Variants in DAO observed in about 807,000 individuals in gnomAD.
DAO encodes D-amino-acid oxidase.
Under a neutral mutation model 50.1 loss-of-function variants are expected in DAO, and 51 were observed. The observed-to-expected ratio is 1.02, with a 90% CI of 0.81 to 1.29. The LOEUF (loss-of-function observed/expected upper bound fraction) is 1.29. DAO is among the 50% of genes most tolerant of loss of function. DAO has a pLI of 0.00. For missense variants in DAO, 436 were observed against 439.4 expected (o/e 0.99, Z 0.07); for synonymous variants, 160 against 166.2 (o/e 0.96, Z 0.29).
chr12:108,890,355 G>C (rs1041976326), intron 5 of DAO, 82 bp downstream of exon 5: 3 of 1,065,884 alleles, frequency 2.8e-6, no homozygotes, highest in Non-Finnish European at 4.4e-6. Context: ...GCTTCCCTCA[G>C]CATGGACTAA....
At chr12:108,881,243 C>A (rs374473456) in intron 1 of DAO, among the ~76,000 whole-genome samples, 4 of 142,650 alleles carry the variant, frequency 2.8e-5, no homozygotes, top group East Asian at 2.3e-4. Context: ...ATACATACTC[C>A]AAGCTTGCTG....
intron 6 of DAO, among the ~76,000 whole-genome samples, chr12:108,893,801 G>A (rs1048851840): frequency 1.3e-5 from 2 of 152,168 alleles, no homozygotes; most frequent in Non-Finnish European, 2.9e-5. Context: ...AGACAGAGCT[G>A]GGGTTCCAAC....
chr12:108,897,630 G>A (rs1442565676), intron 8 of DAO, among the ~76,000 whole-genome samples: 1 of 151,954 alleles, frequency 6.6e-6, no homozygotes, highest in East Asian at 1.9e-4. Flanking sequence ...TGATGCTGGA[G>A]ACAAAGGCAG....
At position 108,880,134 on chromosome 12, in the gene DAO, C is replaced by A; in HGVS notation, c.-100C>A. 1 of 456,692 alleles carries A rather than the reference C, an allele frequency of 2.2e-6. No individual in the cohort carries two copies. The highest frequency in any genetic ancestry group is 4.4e-6 in the Non-Finnish European group (1 of 226,966). 28.3% of individuals were successfully genotyped at this position (456,692 alleles called of 1,614,324 possible). ...GGCGGACAGAGGGCTGGAAACAAGA[C>A]GCTCCAGAATCAGGAGCTTCCCCTC... On this transcript the variant is annotated 5_prime_UTR_variant, in exon 1 of 11. Coordinates refer to ENST00000228476, the MANE Select transcript of DAO (RefSeq NM_001917.5).
rs139805159 is a variant in DAO, at chr12:108,881,286, G to A, written c.-10+1062G>A. ...GTAATGATGTAAAACAGAGGAGAACGGCAACACTAATAAAAACATCAGCAA... is the reference window on the plus strand; with the variant it reads ...GTAATGATGTAAAACAGAGGAGAACAGCAACACTAATAAAAACATCAGCAA... On this transcript the variant is annotated intron_variant, in intron 1 of 10. Coordinates refer to ENST00000228476, the MANE Select transcript of DAO (RefSeq NM_001917.5). 4.9e-3 allele frequency among the ~76,000 whole-genome samples: 737 copies of A among 150,366 alleles called. 7 individuals carry two copies. Among genetic ancestry groups the A allele is most frequent in the South Asian group, 9.0e-3 (43 of 4,766 alleles).
intron 7 of DAO, among the ~76,000 whole-genome samples, chr12:108,896,743 T>C (rs1274176671): frequency 6.6e-6 from 1 of 152,176 alleles, no homozygotes; most frequent in South Asian, 2.1e-4. Flanking sequence ...TGTGTATGCA[T>C]TTACATGTGT....
In DAO at chr12:108,897,081, A is replaced by C. The variant is rs1290966346; in HGVS notation, c.688A>C (p.Ile230Leu). The C allele has an allele frequency of 1.9e-6, 3 of 1,612,532 alleles. No individual in the cohort carries two copies. Among genetic ancestry groups the C allele is most frequent in the Non-Finnish European group, 1.7e-6 (2 of 1,178,742 alleles). Residue 230 changes from isoleucine to leucine, a missense_variant, in exon 8 of 11, where the codon ATC becomes CTC. Transcript: ENST00000228476. ...ERGIYNSPYI[I>L]PGTQTVTLGG... ...AGGCATCTACAATTCCCCGTACATC[A>C]TCCCAGGGTAAAATTGGACTGTTCT... is the stretch of plus-strand genomic sequence containing the variant.
chr12:108,896,305 C>T lies in DAO; in HGVS notation c.613-701C>T, dbSNP rs191421251. ...GGGTGTGGTGGCAGGTGCCTGTAAT[C>T]CCAGCTACTCGGGAGGCTGACGCAG... On this transcript the variant is annotated intron_variant, in intron 7 of 10. Coordinates refer to ENST00000228476, the MANE Select transcript of DAO (RefSeq NM_001917.5). Among the ~76,000 whole-genome samples the T allele has an allele frequency of 2.3e-4, 35 of 150,732 alleles. No individual in the cohort carries two copies. The East Asian group carries it at 6.5e-3, about 28-fold the overall frequency.
intron 1 of DAO, among the ~76,000 whole-genome samples, 166 bp from the exon 2 acceptor site, chr12:108,884,832 G>A (rs541969188): frequency 1.9e-4 from 29 of 152,278 alleles, no homozygotes; most frequent in African/African-American, 6.5e-4. Context: ...TTTGCAAAAC[G>A]GGAACAATGA....
At chr12:108,889,404 C>G in intron 3 of DAO, 65 bp from the exon 4 acceptor site, 1 of 1,146,102 alleles carries the variant, frequency 8.7e-7, no homozygotes, top group Non-Finnish European at 1.3e-6. Context: ...GCCACCTCGC[C>G]TGGCCCATTA....
At chr12:108,899,698 G>A in intron 10 of DAO, 1 of 591,218 alleles carries the variant, frequency 1.7e-6, no homozygotes, top group South Asian at 1.9e-5. Flanking sequence ...GATGTTAATG[G>A]AGGTGGTGCT....
chr12:108,894,315 G>T lies in DAO; in HGVS notation c.560G>T (p.Gly187Val). 6.2e-7 allele frequency: 1 copy of T among 1,614,020 alleles called. No homozygotes were observed. Residue 187 changes from glycine to valine, a missense_variant, in exon 7 of 11, where the codon GGG becomes GTG. Coordinates refer to ENST00000228476, the MANE Select transcript of DAO (RefSeq NM_001917.5). Reference sequence around the variant, plus strand: ...GTCAACTGCACTGGGGTATGGGCTGGGGCGCTACAACGAGACCCCCTGCTG... The same window carrying T: ...GTCAACTGCACTGGGGTATGGGCTGTGGCGCTACAACGAGACCCCCTGCTG... ...VIVNCTGVWAGALQRDPLLQP... is the reference protein window; with the variant it reads ...VIVNCTGVWAVALQRDPLLQP...
In DAO at chr12:108,885,233, G is replaced by A. The variant is rs1308312886; in HGVS notation, c.194+33G>A. On this transcript the variant is annotated intron_variant, in intron 2 of 10. Transcript: ENST00000228476. Reference sequence around the variant, plus strand: ...AGGGTCACATAGGGTAGCCTGGGGTGCCCATGGACCTAAGTCTGCAGAGGG... The same window carrying A: ...AGGGTCACATAGGGTAGCCTGGGGTACCCATGGACCTAAGTCTGCAGAGGG... 21 of 1,597,494 alleles carry A rather than the reference G, an allele frequency of 1.3e-5. No homozygotes were observed. The South Asian group carries it at 2.0e-4, about 15-fold the overall frequency.
In DAO at chr12:108,898,790, A is replaced by G. The variant is rs571771292; in HGVS notation, c.807A>G (p.Thr269=). Residue 269 remains threonine (T), a synonymous_variant, in exon 9 of 11, where the codon ACA becomes ACG. Transcript: ENST00000228476. ...IWEGCCRLEP[T]LKNARIIGER... ...AAGGCTGCTGCAGACTGGAGCCCAC[A>G]CTGAAGGTAAGGTAGGGAGGAGTAG... 9.3e-6 allele frequency: 15 copies of G among 1,611,940 alleles called. No homozygotes were observed. The African/African-American group carries it at 1.7e-4, about 19-fold the overall frequency.
Position 108,889,462 on chromosome 12 carries a change from T to G in DAO, c.310-7T>G. The G allele has an allele frequency of 6.2e-7, 1 of 1,608,742 alleles. No individual in the cohort carries two copies. The highest frequency in any genetic ancestry group is 8.5e-7 in the Non-Finnish European group (1 of 1,176,392). ...CACCCAGTGCCCCCTTTGTCCTTCC[T>G]CTTCAGGACCCTTCCTGGAAGGACA... On this transcript the variant is annotated splice_polypyrimidine_tract_variant and splice_region_variant and intron_variant, in intron 3 of 10. Coordinates refer to ENST00000228476, the MANE Select transcript of DAO (RefSeq NM_001917.5).
At position 108,900,654 on chromosome 12, in the gene DAO, A is replaced by C. The variant is rs1354078619; in HGVS notation, c.*119A>C. The C allele has an allele frequency of 6.9e-7, 1 of 1,457,798 alleles. No homozygotes were observed. Among genetic ancestry groups the C allele is most frequent in the African/African-American group, 1.4e-5 (1 of 71,382 alleles). The allele number at this position is 1,457,798 out of a possible 1,614,324, so 90.3% of individuals were successfully genotyped here. A position where few individuals can be genotyped will look rare whatever the true frequency, so the allele number is the denominator to read the frequency against. ...TCACTTCTTTCCTCAAAGAAGCATG[A>C]GGTGAGAGAAAGCCACAAAGTCAGT... On this transcript the variant is annotated 3_prime_UTR_variant, in exon 11 of 11. Coordinates refer to ENST00000228476, the MANE Select transcript of DAO (RefSeq NM_001917.5).
At chr12:108,887,630 G>C in intron 3 of DAO, 66 bp downstream of exon 3, 1 of 1,159,784 alleles carries the variant, frequency 8.6e-7, no homozygotes, top group Admixed American at 1.7e-5. Flanking sequence ...GGTGGGTGCA[G>C]CAGAGCCTTA....
Position 108,898,832 on chromosome 12 carries a change from G to A in DAO, c.813+36G>A, listed in dbSNP as rs199762148. 12 of 1,437,024 alleles carry A rather than the reference G, an allele frequency of 8.4e-6. No individual in the cohort carries two copies. In the East Asian group the frequency reaches 2.7e-4, roughly 33 times the overall value. 89.0% of individuals were successfully genotyped at this position (1,437,024 alleles called of 1,614,324 possible). On this transcript the variant is annotated intron_variant, in intron 9 of 10. Coordinates refer to ENST00000228476, the MANE Select transcript of DAO (RefSeq NM_001917.5). ...GAGGAGTAGCAGTGCCCTAAACCAAGGTCGTGGGAGCTTGGTAATGAGGAC... is the reference window on the plus strand; with the variant it reads ...GAGGAGTAGCAGTGCCCTAAACCAAAGTCGTGGGAGCTTGGTAATGAGGAC...
chr12:108,888,198 G>A (rs1229776714), intron 3 of DAO, among the ~76,000 whole-genome samples: 2 of 152,218 alleles, frequency 1.3e-5, no homozygotes, highest in African/African-American at 4.8e-5. Context: ...ACAGCCCTGG[G>A]ACGGTTTGCT....
Sources: allele counts gnomAD v4.1 joint callset (sites outside exome capture counted in the v4.1 genomes callset), GRCh38; gene constraint gnomAD v4.1.1; transcripts MANE v1.5; gene names NCBI Gene and HGNC (gene_info 2026-07-23, HGNC 2026-07-21).